The following GRIK1 variants were observed in gnomAD, a reference collection of about 807,000 sequenced individuals.
GRIK1 encodes glutamate receptor ionotropic, kainate 1.
A neutral mutation model predicts 105.7 loss-of-function variants in GRIK1; 69 were observed. The ratio of observed to expected loss-of-function variants is 0.65; its 90% CI spans 0.54 to 0.80. The LOEUF (loss-of-function observed/expected upper bound fraction) is 0.80, where lower values mean the gene tolerates loss of function less well. Among genes scored for constraint, GRIK1 ranks in the 30% least tolerant of loss-of-function variants. GRIK1 has a pLI of 0.00. For missense variants in GRIK1, 1,109 were observed against 1,167.3 expected, an observed-to-expected ratio of 0.95 and a Z score of 0.73; for synonymous variants, 438 against 431.3, an observed-to-expected ratio of 1.02 and a Z score of -0.19.
chr21:29,725,059 TATTA>T (rs1569018581), intron 1 of GRIK1, among the ~76,000 whole-genome samples: 2 of 151,144 alleles, frequency 1.3e-5, no homozygotes, highest in African/African-American at 4.9e-5. Context: ...TGTTTAAAAT[TATTA>T]ATTACACCTT....
chr21:29,867,892 G>GAA (rs771824502), intron 1 of GRIK1, among the ~76,000 whole-genome samples: 1,486 of 127,544 alleles, frequency 0.012, 38 homozygotes, highest in African/African-American at 0.047. Flanking sequence ...GAGAAAGAGA[G>GAA]AGAGAGAGAG....
At chr21:29,879,925 C>T (rs1259994508) in intron 1 of GRIK1, among the ~76,000 whole-genome samples, 2 of 152,122 alleles carry the variant, frequency 1.3e-5, no homozygotes, top group South Asian at 2.1e-4. Context: ...ATCTTAAAGG[C>T]CTATTAGCAT....
intron 4 of GRIK1, among the ~76,000 whole-genome samples, chr21:29,670,007 G>A (rs368648074): frequency 6.6e-6 from 1 of 152,162 alleles, no homozygotes; most frequent in Non-Finnish European, 1.5e-5. Context: ...CCCGTTTCAA[G>A]CACAGCAGCC....
intron 1 of GRIK1, among the ~76,000 whole-genome samples, chr21:29,718,942 A>G (rs1188476299): frequency 6.7e-6 from 1 of 148,378 alleles, no homozygotes; most frequent in East Asian, 2.0e-4. Context: ...CAAAAATCAT[A>G]GTGACATTTC....
intron 1 of GRIK1, among the ~76,000 whole-genome samples, chr21:29,784,545 C>T (rs997297476): frequency 6.6e-6 from 1 of 151,966 alleles, no homozygotes; most frequent in Non-Finnish European, 1.5e-5. Flanking sequence ...ATAACAACTT[C>T]TTTTTCTTCT....
intron 1 of GRIK1, among the ~76,000 whole-genome samples, chr21:29,811,264 A>G (rs1025040525): frequency 2.0e-5 from 3 of 152,156 alleles, no homozygotes; most frequent in African/African-American, 7.2e-5. Context: ...CTTTCAAGGC[A>G]TTAGACAAGG....
chr21:29,588,917 T>A lies in GRIK1; in HGVS notation c.1491A>T (p.Lys497Asn). ...CCCCATATTTGCCATCGGGAACTAGTTTAACATCATAAATGAAACCCAGGA... is the reference window on the plus strand; with the variant it reads ...CCCCATATTTGCCATCGGGAACTAGATTAACATCATAAATGAAACCCAGGA... Reference protein sequence around the residue: ...SNILGFIYDVKLVPDGKYGAQ... With the variant: ...SNILGFIYDVNLVPDGKYGAQ... Residue 497 changes from lysine to asparagine, a missense_variant, in exon 11 of 18, where the codon AAA becomes AAT. This residue lies in a region of GRIK1 where 54 missense variants were observed against 88.1 expected (regional missense o/e 0.61). Transcript: ENST00000327783. 1 of 1,609,654 alleles carries A rather than the reference T, an allele frequency of 6.2e-7. No individual in the cohort carries two copies. The highest frequency in any genetic ancestry group is 8.5e-7 in the Non-Finnish European group (1 of 1,175,904).
chr21:29,867,936 AAG>A (rs779607832), intron 1 of GRIK1, among the ~76,000 whole-genome samples: 1,954 of 110,618 alleles, frequency 0.018, 50 homozygotes, highest in African/African-American at 0.057. Flanking sequence ...AAGAGAGAGA[AAG>A]AGAGAGAGAA....
At chr21:29,561,602 G>C (rs780267784) in intron 15 of GRIK1, 22 bp downstream of exon 15, 1 of 1,457,366 alleles carries the variant, frequency 6.9e-7, no homozygotes, top group Non-Finnish European at 9.6e-7. Flanking sequence ...TCTCAGTCTT[G>C]GTTCATGTCT....
chr21:29,601,404 C>T (rs1568871143), intron 7 of GRIK1, among the ~76,000 whole-genome samples: 2 of 152,172 alleles, frequency 1.3e-5, no homozygotes. Context: ...GCCAATTTCT[C>T]ATAGTAAACC....
At chr21:29,632,855 A>G (rs2062312185) in intron 7 of GRIK1, among the ~76,000 whole-genome samples, 1 of 152,152 alleles carries the variant, frequency 6.6e-6, no homozygotes, top group Non-Finnish European at 1.5e-5. Context: ...CCCTTGCAAC[A>G]TTTCTTGTTG....
rs151153151 is a variant in GRIK1, at chr21:29,677,151, G to A, written c.545-3987C>T. On this transcript the variant is annotated intron_variant, in intron 3 of 17. Transcript: ENST00000327783. ...ATTGTTGTAGGTGTTTCTATATTAAGAGAATGATAGAGCATTACAGCAAAT... is the reference window on the plus strand; with the variant it reads ...ATTGTTGTAGGTGTTTCTATATTAAAAGAATGATAGAGCATTACAGCAAAT... Among the ~76,000 whole-genome samples, 8 of 152,258 alleles carry A rather than the reference G, an allele frequency of 5.3e-5. No individual in the cohort carries two copies. In the East Asian group the frequency reaches 1.2e-3, roughly 22 times the overall value.
intron 6 of GRIK1, 22 bp from the exon 7 acceptor site, chr21:29,642,991 G>T (rs751240483): frequency 1.2e-6 from 2 of 1,606,080 alleles, no homozygotes; most frequent in Non-Finnish European, 1.7e-6. Context: ...AACACACACC[G>T]CATCTTAAAT....
intron 1 of GRIK1, among the ~76,000 whole-genome samples, chr21:29,730,852 G>A (rs2064604605): frequency 6.6e-6 from 1 of 152,094 alleles, no homozygotes; most frequent in African/African-American, 2.4e-5. Context: ...CATTAAAAAT[G>A]AAATTAAAAG....
intron 1 of GRIK1, among the ~76,000 whole-genome samples, chr21:29,736,312 C>CTGGACTCAAA: frequency 6.6e-6 from 1 of 152,122 alleles, no homozygotes; most frequent in East Asian, 1.9e-4. Flanking sequence ...CTCCACTCAA[C>CTGGACTCAAA]TGGACTCAAC....
At chr21:29,549,265 C>T (rs990217957) in intron 16 of GRIK1, among the ~76,000 whole-genome samples, 2 of 152,058 alleles carry the variant, frequency 1.3e-5, no homozygotes, top group African/African-American at 4.8e-5. Flanking sequence ...CTAGTAAAAC[C>T]ACTATATTCA....
rs141025770 is a variant in GRIK1, at chr21:29,573,587, C to T, written c.2130+3377G>A. On this transcript the variant is annotated intron_variant, in intron 14 of 17. Coordinates refer to ENST00000327783, the MANE Select transcript of GRIK1 (RefSeq NM_001330994.2). ...TTAAGGGGCCGGGCGCAGTGGCTCA[C>T]GCCTGTAATTCCAGCACTTTGGGAG... 3.0e-4 allele frequency among the ~76,000 whole-genome samples: 46 copies of T among 151,762 alleles called. No homozygotes were observed. In the East Asian group the frequency reaches 8.6e-3, roughly 28 times the overall value.
At chr21:29,834,166 G>A (rs1017141985) in intron 1 of GRIK1, among the ~76,000 whole-genome samples, 4 of 151,708 alleles carry the variant, frequency 2.6e-5, no homozygotes, top group African/African-American at 9.7e-5. Context: ...TGAGGACCAA[G>A]TATTTTTGCA....
At chr21:29,579,420 G>C (rs1402104141) in intron 13 of GRIK1, among the ~76,000 whole-genome samples, 1 of 152,110 alleles carries the variant, frequency 6.6e-6, no homozygotes, top group Non-Finnish European at 1.5e-5. Flanking sequence ...AAAATATTTG[G>C]GATGAGAGAC....
Sources: gnomAD v4.1 joint callset for allele counts (sites outside exome capture counted in the v4.1 genomes callset) on GRCh38, gnomAD v4.1.1 for gene constraint, gnomAD v4.1.1 regional missense constraint, MANE v1.5 for transcripts, NCBI Gene and HGNC (gene_info 2026-07-23, HGNC 2026-07-21) for gene names.